The following DNAJC13 variants were observed in gnomAD, a reference collection of about 807,000 sequenced individuals.
DNAJC13 encodes the protein DnaJ heat shock protein family (Hsp40) member C13.
Under a neutral mutation model 290.5 loss-of-function variants are expected in DNAJC13, and 75 were observed. The ratio of observed to expected loss-of-function variants is 0.26; its 90% CI spans 0.21 to 0.31. The LOEUF (loss-of-function observed/expected upper bound fraction) is 0.31, where lower values mean the gene tolerates loss of function less well. Among genes scored for constraint, DNAJC13 ranks in the 10% least tolerant of loss-of-function variants. DNAJC13 has a pLI of 1.00. For missense variants in DNAJC13, 2,260 were observed against 2,674.5 expected, an observed-to-expected ratio of 0.85 and a Z score of 3.42; for synonymous variants, 862 against 892.0, an observed-to-expected ratio of 0.97 and a Z score of 0.60.
At chr3:132,456,871 T>G (rs147067551) in intron 12 of DNAJC13, 39 bp downstream of exon 12, 1 of 1,600,670 alleles carries the variant, frequency 6.2e-7, no homozygotes, top group South Asian at 1.1e-5. Flanking sequence ...CTTAGAGAAT[T>G]TGAACTACTC....
chr3:132,473,225 T>C lies in DNAJC13; in HGVS notation c.2289T>C (p.Tyr763=), dbSNP rs1174693445. Residue 763 remains tyrosine, a splice_region_variant and synonymous_variant, in exon 21 of 56, where the codon TAT becomes TAC. Coordinates refer to ENST00000260818, the MANE Select transcript of DNAJC13 (RefSeq NM_015268.4). ...AAGCAAATTGGGATCTCTTCTATTATAGGTAAACTTTAGGTCTCTTTTCCA... is the reference window on the plus strand; with the variant it reads ...AAGCAAATTGGGATCTCTTCTATTACAGGTAAACTTTAGGTCTCTTTTCCA... ...KIEANWDLFY[Y]RFGQDHARSN... 6.3e-7 allele frequency: 1 copy of C among 1,587,710 alleles called. No individual in the cohort carries two copies.
rs539088025 is a variant in DNAJC13, at chr3:132,456,595, A to G, written c.1179+15A>G. On this transcript the variant is annotated intron_variant, in intron 11 of 55. Transcript: ENST00000260818. ...TAACACAAGATGTAAGCTAAGTTTT[A>G]TCATAATTGTTCATTGTTACTAACT... The G allele has an allele frequency of 4.4e-5, 71 of 1,613,416 alleles. 1 individual carries two copies. The highest frequency in any genetic ancestry group is 2.3e-4 in the Admixed American group (14 of 59,914).
At chr3:132,536,412 G>A (rs1440588373) in intron 55 of DNAJC13, among the ~76,000 whole-genome samples, 1 of 152,092 alleles carries the variant, frequency 6.6e-6, no homozygotes, top group Non-Finnish European at 1.5e-5. Flanking sequence ...CACACAGAGG[G>A]GCAAAGGGAA....
intron 55 of DNAJC13, among the ~76,000 whole-genome samples, chr3:132,536,999 A>G (rs1282977160): frequency 6.6e-6 from 1 of 152,202 alleles, no homozygotes. Flanking sequence ...GCCATTTCAC[A>G]TCCATAGTAC....
In DNAJC13 at chr3:132,494,147, A is replaced by G; in HGVS notation, c.3829A>G (p.Lys1277Glu). The change falls in exon 34 of 56, where the codon AAG becomes GAG. Residue 1277 changes from lysine to glutamate, a missense_variant. Around this residue, in one of 3 missense-constraint regions of DNAJC13, gnomAD observed 1,494 missense variants for 1,693.7 expected, o/e 0.88. Transcript: ENST00000260818. ...ATTTTAATCTTTTGTCTTTAAGGTT[A>G]AGCTTCTAAAAGATACCCTTGATGC... ...FPDWPIKDPV[K>E]LLKDTLDAWK... 6.3e-7 allele frequency: 1 copy of G among 1,592,826 alleles called. No individual in the cohort carries two copies. Among genetic ancestry groups the G allele is most frequent in the Middle Eastern group, 1.7e-4 (1 of 6,010 alleles).
chr3:132,444,761 T>C (rs558719860), intron 2 of DNAJC13, among the ~76,000 whole-genome samples: 1 of 152,326 alleles, frequency 6.6e-6, no homozygotes, highest in East Asian at 1.9e-4. Context: ...TGATTAAGCC[T>C]TTGAAGTTTT....
Position 132,530,374 on chromosome 3 carries a change from T to A in DNAJC13, c.6526-624T>A, listed in dbSNP as rs1418913755. 1.6e-4 allele frequency among the ~76,000 whole-genome samples: 25 copies of A among 152,254 alleles called. 1 individual carries two copies. Among genetic ancestry groups the A allele is most frequent in the Admixed American group, 1.6e-3 (25 of 15,278 alleles). ...ATTCACTAAGGTGGTATTTCCTAAA[T>A]GTTTTGTCACACAGAAATGTCTTTC... is the stretch of plus-strand genomic sequence containing the variant. On this transcript the variant is annotated intron_variant, in intron 54 of 55. Transcript: ENST00000260818.
chr3:132,462,579 A>C (rs1933834419), intron 16 of DNAJC13, 56 bp downstream of exon 16: 1 of 1,297,318 alleles, frequency 7.7e-7, no homozygotes, highest in Non-Finnish European at 1.1e-6. Context: ...GGCTGTTTTA[A>C]TTGAAGTTGA....
intron 20 of DNAJC13, among the ~76,000 whole-genome samples, chr3:132,471,214 C>G (rs1254985570): frequency 7.2e-6 from 1 of 138,398 alleles, no homozygotes; most frequent in African/African-American, 2.7e-5. Context: ...CCCCTCACCT[C>G]CCGGACGGGG....
chr3:132,516,179 C>A (rs933689797), intron 46 of DNAJC13, among the ~76,000 whole-genome samples: 1 of 152,146 alleles, frequency 6.6e-6, no homozygotes, highest in Non-Finnish European at 1.5e-5. Context: ...ACTTTGGAGG[C>A]AGACCTGCAT....
intron 8 of DNAJC13, 130 bp from the exon 9 acceptor site, chr3:132,453,936 A>C: frequency 1.2e-6 from 1 of 822,244 alleles, no homozygotes; most frequent in Non-Finnish European, 1.9e-6. Flanking sequence ...TAAAGTTTTA[A>C]ACTCTTATAT....
Position 132,507,218 on chromosome 3 carries a change from T to G in DNAJC13, c.4999-19T>G. The G allele has an allele frequency of 6.8e-7, 1 of 1,477,966 alleles. No homozygotes were observed. Among genetic ancestry groups the G allele is most frequent in the East Asian group, 2.3e-5 (1 of 44,100 alleles). 91.6% of individuals were successfully genotyped at this position (1,477,966 alleles called of 1,614,324 possible). A position where few individuals can be genotyped will look rare whatever the true frequency, so the allele number is the denominator to read the frequency against. Reference sequence around the variant, plus strand: ...GATAGATTTACATCTAACAGTCTATTTTTTCATCTTTTAAAAAGGGTGATT... The same window carrying G: ...GATAGATTTACATCTAACAGTCTATGTTTTCATCTTTTAAAAAGGGTGATT... On this transcript the variant is annotated intron_variant, in intron 42 of 55. Coordinates refer to ENST00000260818, the MANE Select transcript of DNAJC13 (RefSeq NM_015268.4).
chr3:132,439,468 CCTGCCAG>C (rs1277934279), intron 2 of DNAJC13, among the ~76,000 whole-genome samples: 48 of 151,476 alleles, frequency 3.2e-4, no homozygotes, highest in Admixed American at 2.4e-3. Context: ...CGCTCTTGAC[CCTGCCAG>C]TCTTTAAAAC....
At chr3:132,532,610 T>C (rs184743963) in intron 55 of DNAJC13, among the ~76,000 whole-genome samples, 158 of 152,278 alleles carry the variant, frequency 1.0e-3, no homozygotes, top group African/African-American at 3.6e-3. Flanking sequence ...TTTGTTCTTA[T>C]AGGCAGTATA....
chr3:132,446,584 G>A, intron 3 of DNAJC13, 34 bp downstream of exon 3: 1 of 1,466,718 alleles, frequency 6.8e-7, no homozygotes, highest in Non-Finnish European at 9.3e-7. Flanking sequence ...GTGTTTGTAT[G>A]AACTCCCTTT....
intron 48 of DNAJC13, among the ~76,000 whole-genome samples, chr3:132,519,220 T>C (rs1322857838): frequency 6.6e-6 from 1 of 152,154 alleles, no homozygotes; most frequent in Admixed American, 6.5e-5. Context: ...TCAGATTGTT[T>C]TCCAAAGTAG....
intron 2 of DNAJC13, among the ~76,000 whole-genome samples, chr3:132,442,282 C>T (rs1258124543): frequency 6.6e-6 from 1 of 152,042 alleles, no homozygotes; most frequent in Non-Finnish European, 1.5e-5. Context: ...CAGGCGTGAG[C>T]CACTGCACCC....
Position 132,480,401 on chromosome 3 carries a change from A to G in DNAJC13, c.2805A>G (p.Gly935=), listed in dbSNP as rs1427594725. The G allele has an allele frequency of 1.9e-6, 3 of 1,613,420 alleles. No homozygotes were observed. Among genetic ancestry groups the G allele is most frequent in the Admixed American group, 3.3e-5 (2 of 59,988 alleles). ...KNVKDLMDSN[G]IRILVDLLTL... ...TTAAGGATCTCATGGATTCAAATGG[A>G]ATAAGAATCCTTGTGGACTTGCTTA... Residue 935 remains glycine, a synonymous_variant, in exon 26 of 56, where the codon GGA becomes GGG. Transcript: ENST00000260818.
At chr3:132,440,317 T>G (rs1177196869) in intron 2 of DNAJC13, among the ~76,000 whole-genome samples, 1 of 152,258 alleles carries the variant, frequency 6.6e-6, no homozygotes, top group Non-Finnish European at 1.5e-5. Flanking sequence ...TGTTCAGTTA[T>G]TCTACTGGAG....
Sources: gnomAD v4.1 joint callset for allele counts (sites outside exome capture counted in the v4.1 genomes callset) on GRCh38, gnomAD v4.1.1 for gene constraint, gnomAD v4.1.1 regional missense constraint, MANE v1.5 for transcripts, NCBI Gene and HGNC (gene_info 2026-07-23, HGNC 2026-07-21) for gene names.